Variants in PHACTR1 observed in about 807,000 individuals in gnomAD.
PHACTR1 encodes phosphatase and actin regulator 1, also known as RPEL repeat containing 1.
In PHACTR1, 16 loss-of-function variants were observed where a neutral mutation model predicts 69.2. That is an observed-to-expected ratio of 0.23 (90% CI 0.16 to 0.35). The LOEUF is 0.35. PHACTR1 is among the 10% of genes least tolerant of loss of function. The probability of loss-of-function intolerance (pLI) is 1.00; values close to 1 mark genes in which losing one functional copy is unlikely to be tolerated. For synonymous variants in PHACTR1, 312 were observed against 284.5 expected (o/e 1.10, Z -0.97); for missense variants, 510 against 734.7 (o/e 0.69, Z 3.54).
chr6:13,143,609 C>T (rs1003828009), intron 5 of PHACTR1, among the ~76,000 whole-genome samples: 1 of 152,006 alleles, frequency 6.6e-6, no homozygotes, highest in Non-Finnish European at 1.5e-5. Context: ...TAAAGTAAAC[C>T]TTCAAGTGAT....
Position 12,718,704 on chromosome 6 carries a change from C to T in PHACTR1, c.-41C>T. The T allele has an allele frequency of 1.8e-6, 2 of 1,112,432 alleles. No individual in the cohort carries two copies. The allele number at this position is 1,112,432 out of a possible 1,614,324, so 68.9% of individuals were successfully genotyped here. A position where few individuals can be genotyped will look rare whatever the true frequency, so the allele number is the denominator to read the frequency against. ...TTTTTTTTTCCTCTTTATAGGTGTT[C>T]CAGTGTTTTCTCTCAAAACTCTGTG... On this transcript the variant is annotated 5_prime_UTR_variant, in exon 3 of 15. Transcript: ENST00000332995.
At chr6:12,809,548 T>C (rs1463158249) in intron 4 of PHACTR1, among the ~76,000 whole-genome samples, 3 of 152,330 alleles carry the variant, frequency 2.0e-5, no homozygotes, top group Admixed American at 2.0e-4. Flanking sequence ...AAAACACAAC[T>C]CTGTTTCCAG....
At chr6:13,141,225 A>G (rs1822386176) in intron 5 of PHACTR1, among the ~76,000 whole-genome samples, 1 of 152,212 alleles carries the variant, frequency 6.6e-6, no homozygotes, top group African/African-American at 2.4e-5. Flanking sequence ...TGTACTAAGA[A>G]GCAGAATTTG....
intron 6 of PHACTR1, among the ~76,000 whole-genome samples, chr6:13,176,212 A>G (rs1761298957): frequency 6.6e-6 from 1 of 152,158 alleles, no homozygotes; most frequent in South Asian, 2.1e-4. Flanking sequence ...CTTGCAGGGG[A>G]AAAAAAGTGA....
intron 4 of PHACTR1, among the ~76,000 whole-genome samples, chr6:12,997,161 C>G (rs561149759): frequency 2.9e-4 from 43 of 150,808 alleles, no homozygotes; most frequent in African/African-American, 9.2e-4. Context: ...GAGCGAAATT[C>G]CATCTCAAAA....
Position 13,206,020 on chromosome 6 carries a change from C to G in PHACTR1, c.870C>G (p.Gly290=). 6.2e-7 allele frequency: 1 copy of G among 1,613,910 alleles called. No individual in the cohort carries two copies. Among genetic ancestry groups the G allele is most frequent in the Non-Finnish European group, 8.5e-7 (1 of 1,179,862 alleles). Residue 290 remains glycine, a synonymous_variant, in exon 8 of 15, where the codon GGC becomes GGG. Transcript: ENST00000332995. The stretch of plus-strand genomic sequence containing the variant: ...AGATCCAGCACCAGCTGCAGTACGG[C>G]AGCCACGGCCAGCACCTCCCCTCCA... ...PSQIQHQLQY[G]SHGQHLPSTT... is the part of the protein sequence containing the mutation.
intron 10 of PHACTR1, among the ~76,000 whole-genome samples, chr6:13,256,850 G>A (rs1775257066): frequency 6.6e-6 from 1 of 152,092 alleles, no homozygotes; most frequent in African/African-American, 2.4e-5. Flanking sequence ...AGTTCCAAAT[G>A]TTCCGTCATC....
At chr6:13,249,748 A>G (rs1774102573) in intron 10 of PHACTR1, among the ~76,000 whole-genome samples, 1 of 151,194 alleles carries the variant, frequency 6.6e-6, no homozygotes. Context: ...GCAGTGAGCC[A>G]AGATTGCACC....
At chr6:12,817,927 C>T (rs1221733081) in intron 4 of PHACTR1, among the ~76,000 whole-genome samples, 1 of 151,870 alleles carries the variant, frequency 6.6e-6, no homozygotes, top group Non-Finnish European at 1.5e-5. Flanking sequence ...GGGTTCACAC[C>T]ATTCTCCTGC....
chr6:13,115,400 C>T lies in PHACTR1; in HGVS notation c.416-44804C>T, dbSNP rs1019099157. Among the ~76,000 whole-genome samples, 22 of 152,324 alleles carry T rather than the reference C, an allele frequency of 1.4e-4. No homozygotes were observed. The South Asian group carries it at 1.9e-3, about 13-fold the overall frequency. ...ACACTCTCTCTCTCCCTTTCTCTCT[C>T]TCTCTCTCACCACTTATCAGTCTTC... On this transcript the variant is annotated intron_variant, in intron 5 of 14. Coordinates refer to ENST00000332995, the MANE Select transcript of PHACTR1 (RefSeq NM_030948.6).
intron 4 of PHACTR1, among the ~76,000 whole-genome samples, chr6:12,954,255 T>C (rs1360983107): frequency 1.3e-5 from 2 of 151,960 alleles, no homozygotes; most frequent in African/African-American, 4.8e-5. Flanking sequence ...CCAGGGCCAC[T>C]TTATGATTGC....
chr6:12,867,135 G>A (rs935045267), intron 4 of PHACTR1, among the ~76,000 whole-genome samples: 4 of 152,228 alleles, frequency 2.6e-5, no homozygotes, highest in African/African-American at 9.6e-5. Flanking sequence ...AACATACTTA[G>A]GCAAAGGCTC....
At chr6:13,130,208 T>C (rs1162469183) in intron 5 of PHACTR1, among the ~76,000 whole-genome samples, 1 of 151,828 alleles carries the variant, frequency 6.6e-6, no homozygotes, top group African/African-American at 2.4e-5. Context: ...AGAGTGCAAA[T>C]AGACAATCTA....
chr6:13,233,465 A>AGAGGTTTAAT, intron 10 of PHACTR1, among the ~76,000 whole-genome samples: 1 of 152,314 alleles, frequency 6.6e-6, no homozygotes, highest in South Asian at 2.1e-4. Context: ...TATAAAGAAA[A>AGAGGTTTAAT]GAGGTTTAAT....
At chr6:12,807,160 A>T (rs1463074789) in intron 4 of PHACTR1, among the ~76,000 whole-genome samples, 10 of 152,196 alleles carry the variant, frequency 6.6e-5, no homozygotes, top group Non-Finnish European at 2.9e-5. Context: ...TCAGTGCTTA[A>T]TTATCTCATA....
At chr6:12,935,786 GT>G (rs922656372) in intron 4 of PHACTR1, among the ~76,000 whole-genome samples, 2 of 152,042 alleles carry the variant, frequency 1.3e-5, no homozygotes, top group Non-Finnish European at 2.9e-5. Flanking sequence ...TAACCACATG[GT>G]TTTTGCAAAG....
intron 4 of PHACTR1, among the ~76,000 whole-genome samples, chr6:12,800,675 C>A (rs560015683): frequency 6.6e-6 from 1 of 152,210 alleles, no homozygotes; most frequent in South Asian, 2.1e-4. Context: ...TGCTTGAGGA[C>A]AGGAGTTCAA....
At chr6:13,057,234 C>G (rs1232527861) in intron 5 of PHACTR1, among the ~76,000 whole-genome samples, 1 of 152,022 alleles carries the variant, frequency 6.6e-6, no homozygotes, top group Non-Finnish European at 1.5e-5. Flanking sequence ...ATACATGCAT[C>G]AAAATATCAC....
intron 10 of PHACTR1, among the ~76,000 whole-genome samples, chr6:13,270,020 G>A (rs965900641): frequency 3.3e-5 from 5 of 152,098 alleles, no homozygotes; most frequent in African/African-American, 1.2e-4. Context: ...AGATCACACA[G>A]GTTAAGGACT....
Sources: gnomAD v4.1 joint callset for allele counts (sites outside exome capture counted in the v4.1 genomes callset) on GRCh38, gnomAD v4.1.1 for gene constraint, MANE v1.5 for transcripts, NCBI Gene and HGNC (gene_info 2026-07-23, HGNC 2026-07-21) for gene names.